The following IL18RAP variants were observed in gnomAD, a reference collection of about 807,000 sequenced individuals.
IL18RAP encodes the protein interleukin 18 receptor accessory protein, also known as interleukin-18 receptor accessory protein.
Under a neutral mutation model 58.1 loss-of-function variants are expected in IL18RAP, and 37 were observed. The ratio of observed to expected loss-of-function variants is 0.64; its 90% CI spans 0.49 to 0.84. IL18RAP has a LOEUF of 0.84. Ranked by LOEUF, IL18RAP falls within the 40% of genes least tolerant of loss-of-function variation. The pLI, the probability that IL18RAP is intolerant of heterozygous loss-of-function variation, is 0.00. For synonymous variants in IL18RAP, 268 were observed against 257.5 expected, an observed-to-expected ratio of 1.04 and a Z score of -0.39; for missense variants, 667 against 704.8, an observed-to-expected ratio of 0.95 and a Z score of 0.61.
intron 3 of IL18RAP, among the ~76,000 whole-genome samples, chr2:102,431,488 A>G (rs193153285): frequency 8.5e-5 from 13 of 152,338 alleles, no homozygotes; most frequent in Admixed American, 1.3e-4. Flanking sequence ...TATTCAGCTG[A>G]TATTCCCTTA....
intron 7 of IL18RAP, among the ~76,000 whole-genome samples, chr2:102,446,210 T>C (rs1683404936): frequency 6.6e-6 from 1 of 152,182 alleles, no homozygotes; most frequent in Non-Finnish European, 1.5e-5. Context: ...ATGATAAGTT[T>C]CCCAGGCCAC....
In IL18RAP at chr2:102,425,364, A is replaced by T. The variant is rs377498898; in HGVS notation, c.579+950A>T. On this transcript the variant is annotated intron_variant, in intron 3 of 9. Coordinates refer to ENST00000687160, the MANE Select transcript of IL18RAP (RefSeq NM_001393487.1). ...CTGGGGATACAGTTACCATGGTAAG[A>T]GGAAACATTTCCCTACTTGATTCCT... 5.3e-5 allele frequency among the ~76,000 whole-genome samples: 8 copies of T among 152,318 alleles called. 1 individual carries two copies. Among genetic ancestry groups the T allele is most frequent in the African/African-American group, 1.7e-4 (7 of 41,578 alleles).
rs144884828 is a variant in IL18RAP at position 102,445,214 on chromosome 2, A to G, written c.946A>G (p.Ile316Val). The G allele has an allele frequency of 8.7e-6, 14 of 1,613,976 alleles. No homozygotes were observed. In the African/African-American group the frequency reaches 1.6e-4, roughly 18 times the overall value. ...KSIKSTLKDE[I>V]IERNIILEKV... ...TATTAAATCCACTTTAAAGGATGAAATCATTGAGCGTAATATCATCTTGGA... is the reference window on the plus strand; with the variant it reads ...TATTAAATCCACTTTAAAGGATGAAGTCATTGAGCGTAATATCATCTTGGA... The change falls in exon 7 of 10, where the codon ATC (isoleucine) becomes GTC (valine). Residue 316 changes from isoleucine (I) to valine (V), a missense_variant. By Grantham distance (29) the Ile-to-Val change is conservative. Transcript: ENST00000687160.
At chr2:102,423,391 C>G in intron 1 of IL18RAP, 44 bp downstream of exon 1, 1 of 1,508,640 alleles carries the variant, frequency 6.6e-7, no homozygotes, top group South Asian at 1.1e-5. Context: ...AGTCTGTGGT[C>G]AAGTGTAAAG....
chr2:102,451,802 G>A lies in IL18RAP; in HGVS notation c.1421G>A (p.Ser474Asn). ...AEDIVSIIKR[S>N]RRGIFILSPN... ...GACATTGTGAGCATTATTAAGAGAAGCAGAAGAGGAATATTTATCTTGAGC... is the reference window on the plus strand; with the variant it reads ...GACATTGTGAGCATTATTAAGAGAAACAGAAGAGGAATATTTATCTTGAGC... The change falls in exon 10 of 10, where the codon AGC (serine) becomes AAC (asparagine). Residue 474 changes from serine (S) to asparagine (N), a missense_variant. Physicochemically the swap from Ser to Asn is conservative, Grantham distance 46 (BLOSUM62 1). Transcript: ENST00000687160. The A allele has an allele frequency of 2.5e-6, 4 of 1,613,658 alleles. No individual in the cohort carries two copies. Among genetic ancestry groups the A allele is most frequent in the Non-Finnish European group, 2.5e-6 (3 of 1,179,716 alleles).
At position 102,451,814 on chromosome 2, in the gene IL18RAP, T is replaced by G; in HGVS notation, c.1433T>G (p.Ile478Arg). Residue 478 changes from isoleucine (I) to arginine (R), a missense_variant, in exon 10 of 10, where the codon ATA becomes AGA. Physicochemically the swap from Ile to Arg is moderately conservative, Grantham distance 97. Transcript: ENST00000687160. Reference sequence around the variant, plus strand: ...ATTATTAAGAGAAGCAGAAGAGGAATATTTATCTTGAGCCCCAACTATGTC... The same window carrying G: ...ATTATTAAGAGAAGCAGAAGAGGAAGATTTATCTTGAGCCCCAACTATGTC... ...VSIIKRSRRG[I>R]FILSPNYVNG... 1 of 1,614,036 alleles carries G rather than the reference T, an allele frequency of 6.2e-7. No homozygotes were observed. The highest frequency in any genetic ancestry group is 1.3e-5 in the African/African-American group (1 of 75,056).
rs1681708401 is a variant in IL18RAP, at chr2:102,423,459, A to G, written c.70+112A>G. On this transcript the variant is annotated intron_variant, in intron 1 of 9. Transcript: ENST00000687160. ...ATATTAATACAAACCTTTCCATCCTACTATTAAAAGGGGACTGAGAGGAGA... is the reference window on the plus strand; with the variant it reads ...ATATTAATACAAACCTTTCCATCCTGCTATTAAAAGGGGACTGAGAGGAGA... The G allele has an allele frequency of 1.2e-5, 11 of 949,266 alleles. No homozygotes were observed. The South Asian group carries it at 1.5e-4, about 13-fold the overall frequency. 58.8% of individuals were successfully genotyped at this position (949,266 alleles called of 1,614,324 possible).
intron 8 of IL18RAP, 45 bp downstream of exon 8, chr2:102,447,252 A>G: frequency 6.3e-7 from 1 of 1,595,408 alleles, no homozygotes; most frequent in Non-Finnish European, 8.6e-7. Context: ...TCCTCTGGGA[A>G]TTGACTTGGA....
At chr2:102,421,046 T>G (rs1016207515), upstream of IL18RAP, among the ~76,000 whole-genome samples, 20 of 152,200 alleles carry the variant, frequency 1.3e-4, no homozygotes, top group Non-Finnish European at 2.6e-4. Flanking sequence ...ACTGATCTAC[T>G]GCAGCATGGT....
At position 102,443,358 on chromosome 2, in the gene IL18RAP, A is replaced by G. The variant is rs181050185; in HGVS notation, c.920+35A>G. ...AAACTCACGGATTCTGTTCTCTGCAATTCAGAAGAGATACTTCTACCTTTA... is the reference window on the plus strand; with the variant it reads ...AAACTCACGGATTCTGTTCTCTGCAGTTCAGAAGAGATACTTCTACCTTTA... On this transcript the variant is annotated intron_variant, in intron 6 of 9. Coordinates refer to ENST00000687160, the MANE Select transcript of IL18RAP (RefSeq NM_001393487.1). 5.8e-4 allele frequency: 928 copies of G among 1,602,578 alleles called. 1 individual carries two copies. The highest frequency in any genetic ancestry group is 1.7e-3 in the Middle Eastern group (10 of 5,980).
intron 3 of IL18RAP, among the ~76,000 whole-genome samples, chr2:102,427,008 A>C (rs1376248464): frequency 6.6e-6 from 1 of 152,036 alleles, no homozygotes; most frequent in Admixed American, 6.6e-5. Context: ...CTCTTGCAGC[A>C]TTTGTCTTTC....
upstream of IL18RAP, among the ~76,000 whole-genome samples, chr2:102,419,109 T>C (rs1681416860): frequency 6.6e-6 from 1 of 152,206 alleles, no homozygotes; most frequent in Admixed American, 6.5e-5. Context: ...CATCTCCATA[T>C]ATACGGAGTC....
chr2:102,423,244 GT>G lies in IL18RAP; in HGVS notation c.-32del, dbSNP rs1681689682. 1 of 1,601,422 alleles carries G rather than the reference GT, an allele frequency of 6.2e-7. No individual in the cohort carries two copies. Among genetic ancestry groups the G allele is most frequent in the Non-Finnish European group, 8.6e-7 (1 of 1,168,552 alleles). ...CACTCTACTCTGGCAAAGGAATGAA[GT>G]TATTGGAGTGATGACAGGAACACGG... On this transcript the variant is annotated 5_prime_UTR_variant, in exon 1 of 10. The change abolishes the stop of an existing upstream ORF in the 5' untranslated region. Transcript: ENST00000687160.
At chr2:102,438,838 G>A (rs149364545) in intron 4 of IL18RAP, 1 of 152,258 alleles carries the variant, frequency 6.6e-6, no homozygotes, top group East Asian at 1.9e-4. Flanking sequence ...TTTCCATTTT[G>A]AGAAGAAGAC....
chr2:102,429,839 G>A (rs1682218619), intron 3 of IL18RAP, among the ~76,000 whole-genome samples: 1 of 151,834 alleles, frequency 6.6e-6, no homozygotes, highest in Non-Finnish European at 1.5e-5. Flanking sequence ...TTGTTTAGGA[G>A]CACTTTGTTT....
chr2:102,431,549 G>A (rs1682360203), intron 3 of IL18RAP, among the ~76,000 whole-genome samples: 2 of 151,934 alleles, frequency 1.3e-5, no homozygotes, highest in Middle Eastern at 3.4e-3. Context: ...TTCCTAATAT[G>A]TGAATCTTGA....
rs1298598157 is a variant in IL18RAP, at chr2:102,441,353, G to C, written c.772G>C (p.Glu258Gln). Residue 258 changes from glutamate (E) to glutamine (Q), a missense_variant, in exon 5 of 10, where the codon GAG (glutamate) becomes CAG (glutamine). Transcript: ENST00000687160. ...KLKPDILDPVEDTLEVELGKP... is the reference protein window; with the variant it reads ...KLKPDILDPVQDTLEVELGKP... ...CAAACCAGATATTCTGGATCCTGTC[G>C]AGGACACACTGGAAGTAGAACTTGG... The C allele has an allele frequency of 6.2e-7, 1 of 1,613,256 alleles. No homozygotes were observed. The highest frequency in any genetic ancestry group is 2.2e-5 in the East Asian group (1 of 44,850).
rs1485892285 is a variant in IL18RAP, at chr2:102,452,265, C to G, written c.*84C>G. On this transcript the variant is annotated 3_prime_UTR_variant, in exon 10 of 10. Coordinates refer to ENST00000687160, the MANE Select transcript of IL18RAP (RefSeq NM_001393487.1). ...ACTCACAGCTCTGTGTGTGTGTGTT[C>G]AGGCTGATAGGAAATTCAAAGAGTC... 7.7e-7 allele frequency: 1 copy of G among 1,290,598 alleles called. No individual in the cohort carries two copies. Among genetic ancestry groups the G allele is most frequent in the Non-Finnish European group, 1.1e-6 (1 of 933,732 alleles). The allele number at this position is 1,290,598 out of a possible 1,614,324, so 79.9% of individuals were successfully genotyped here.
intron 3 of IL18RAP, among the ~76,000 whole-genome samples, chr2:102,426,691 A>G (rs1681966198): frequency 1.3e-5 from 2 of 152,164 alleles, no homozygotes; most frequent in African/African-American, 4.8e-5. Context: ...ATATATGTAT[A>G]CAATGTGGAG....
Sources: allele counts gnomAD v4.1 joint callset (sites outside exome capture counted in the v4.1 genomes callset), GRCh38; gene constraint gnomAD v4.1.1; transcripts MANE v1.5; gene names NCBI Gene and HGNC (gene_info 2026-07-23, HGNC 2026-07-21).